C1QTNF3: variants seen among roughly 807,000 people sequenced by gnomAD.
C1QTNF3 encodes the protein complement C1q tumor necrosis factor-related protein 3.
A neutral mutation model predicts 32.6 loss-of-function variants in C1QTNF3; 26 were observed. That is an observed-to-expected ratio of 0.80 (90% CI 0.58 to 1.11). The LOEUF (loss-of-function observed/expected upper bound fraction) is 1.11, where lower values mean the gene tolerates loss of function less well. C1QTNF3 is among the 50% of genes least tolerant of loss of function. C1QTNF3 has a pLI of 0.00. For synonymous variants in C1QTNF3, 155 were observed against 146.0 expected, an observed-to-expected ratio of 1.06 and a Z score of -0.44; for missense variants, 362 against 398.2, an observed-to-expected ratio of 0.91 and a Z score of 0.77.
At chr5:34,094,229 G>T in the C1QTNF3 span, among the ~76,000 whole-genome samples, 1,879 of 152,132 alleles carry the variant, frequency 0.012, 21 homozygotes, top group South Asian at 0.029. Flanking sequence ...TTCTCTAAAC[G>T]TTGTGAATTC....
chr5:34,164,735 C>G, the C1QTNF3 span: 1 of 151,812 alleles, frequency 6.6e-6, no homozygotes, highest in Admixed American at 6.6e-5. Context: ...AAATTATATA[C>G]AGTAATTATT....
At chr5:34,124,900 C>G in the C1QTNF3 span, among the ~76,000 whole-genome samples, 1 of 152,110 alleles carries the variant, frequency 6.6e-6, no homozygotes, top group Non-Finnish European at 1.5e-5. Flanking sequence ...TGGGTTTATG[C>G]TATAGAGATT....
the C1QTNF3 span, among the ~76,000 whole-genome samples, chr5:34,233,663 A>G: frequency 6.6e-6 from 1 of 151,826 alleles, no homozygotes. Context: ...TTACCAGATA[A>G]AGTTAACATA....
the C1QTNF3 span, among the ~76,000 whole-genome samples, chr5:34,084,692 T>C: frequency 4.7e-5 from 7 of 149,980 alleles, no homozygotes; most frequent in South Asian, 4.2e-4. Flanking sequence ...TCTTGTAAAA[T>C]TGCTTAAGTT....
At chr5:34,156,104 T>C in the C1QTNF3 span, among the ~76,000 whole-genome samples, 8 of 152,232 alleles carry the variant, frequency 5.3e-5, no homozygotes, top group Admixed American at 1.3e-4. Flanking sequence ...AGAATCTCGC[T>C]GTGCCACCCA....
the C1QTNF3 span, among the ~76,000 whole-genome samples, chr5:34,104,656 C>G: frequency 9.1e-6 from 1 of 109,334 alleles, no homozygotes; most frequent in African/African-American, 3.7e-5. Flanking sequence ...CTGCCTCAGC[C>G]TCCTGTGTAG....
At chr5:34,220,343 G>T in the C1QTNF3 span, among the ~76,000 whole-genome samples, 1 of 152,024 alleles carries the variant, frequency 6.6e-6, no homozygotes, top group Non-Finnish European at 1.5e-5. Flanking sequence ...CCATTTTATT[G>T]TAAGACTATT....
At chr5:34,215,896 G>A in the C1QTNF3 span, among the ~76,000 whole-genome samples, 1 of 152,176 alleles carries the variant, frequency 6.6e-6, no homozygotes, top group Non-Finnish European at 1.5e-5. Context: ...GCCTCCCAAA[G>A]TGCAGGGATT....
chr5:34,042,433 GC>G (rs2112125717), intron 1 of C1QTNF3, among the ~76,000 whole-genome samples: 1 of 152,232 alleles, frequency 6.6e-6, no homozygotes, highest in African/African-American at 2.4e-5. Flanking sequence ...GATGAAGAAA[GC>G]CCAATTCTCT....
the C1QTNF3 span, among the ~76,000 whole-genome samples, chr5:34,065,278 A>C: frequency 6.6e-6 from 1 of 152,216 alleles, no homozygotes; most frequent in Admixed American, 6.5e-5. Flanking sequence ...GCAGCCAACA[A>C]ACATGAAAAA....
chr5:34,102,947 G>GT, the C1QTNF3 span, among the ~76,000 whole-genome samples: 3 of 125,168 alleles, frequency 2.4e-5, no homozygotes, highest in Non-Finnish European at 5.6e-5. Context: ...AAACCTGCAC[G>GT]TGTGCACATG....
chr5:34,117,358 A>G, the C1QTNF3 span, among the ~76,000 whole-genome samples: 1 of 152,200 alleles, frequency 6.6e-6, no homozygotes, highest in Non-Finnish European at 1.5e-5. Flanking sequence ...GTCCAGTGTA[A>G]CACAGCAGTT....
chr5:34,066,506 C>A, the C1QTNF3 span, among the ~76,000 whole-genome samples: 1 of 151,948 alleles, frequency 6.6e-6, no homozygotes, highest in Non-Finnish European at 1.5e-5. Flanking sequence ...TGATTTAAAC[C>A]AATGGATTGT....
chr5:34,039,395 C>T (rs1486077314), intron 1 of C1QTNF3, among the ~76,000 whole-genome samples: 1 of 152,160 alleles, frequency 6.6e-6, no homozygotes, highest in African/African-American at 2.4e-5. Flanking sequence ...ACTTTCATTC[C>T]TGCTCTAAAA....
the C1QTNF3 span, among the ~76,000 whole-genome samples, chr5:34,082,323 T>C: frequency 6.6e-6 from 1 of 151,334 alleles, no homozygotes; most frequent in South Asian, 2.1e-4. Flanking sequence ...AAGGTTGAAA[T>C]GAGAATGTTG....
the C1QTNF3 span, among the ~76,000 whole-genome samples, chr5:34,155,138 T>A: frequency 6.6e-6 from 1 of 152,174 alleles, no homozygotes; most frequent in African/African-American, 2.4e-5. Flanking sequence ...TTGGCTATAA[T>A]CATCAAGATT....
At chr5:34,027,386 T>C (rs1406699946) in intron 4 of C1QTNF3, among the ~76,000 whole-genome samples, 2 of 152,222 alleles carry the variant, frequency 1.3e-5, no homozygotes, top group African/African-American at 4.8e-5. Flanking sequence ...CAGATATACC[T>C]GTAAGTGATC....
the C1QTNF3 span, among the ~76,000 whole-genome samples, chr5:34,208,446 C>A: frequency 2.0e-5 from 3 of 151,516 alleles, no homozygotes; most frequent in African/African-American, 7.3e-5. Context: ...TTAGCAACAT[C>A]CCTAGCCTCG....
chr5:34,065,880 A>G, the C1QTNF3 span, among the ~76,000 whole-genome samples: 1 of 152,192 alleles, frequency 6.6e-6, no homozygotes, highest in African/African-American at 2.4e-5. Flanking sequence ...ATGTGGACTC[A>G]TATGTTCATT....
Sources: allele counts gnomAD v4.1 joint callset (sites outside exome capture counted in the v4.1 genomes callset), GRCh38; gene constraint gnomAD v4.1.1; transcripts MANE v1.5; gene names NCBI Gene and HGNC (gene_info 2026-07-23, HGNC 2026-07-21).